The following JMJD7 variants were observed in gnomAD, a reference collection of about 807,000 sequenced individuals.
JMJD7 encodes jumonji domain containing 7, also known as bifunctional peptidase and (3S)-lysyl hydroxylase JMJD7.
JMJD7 carries 41 observed loss-of-function variants against 41.1 expected under a neutral mutation model. That is an observed-to-expected ratio of 1.00 (90% confidence interval 0.78 to 1.30). The LOEUF (loss-of-function observed/expected upper bound fraction) is 1.30. JMJD7 is among the 50% of genes most tolerant of loss of function. JMJD7 has a pLI of 0.00. For synonymous variants in JMJD7, 202 were observed against 177.2 expected (o/e 1.14, Z -1.11); for missense variants, 480 against 420.7 (o/e 1.14, Z -1.23).
chr15:41,829,505 G>A (rs1406981606), intron 1 of JMJD7, among the ~76,000 whole-genome samples: 3 of 152,190 alleles, frequency 2.0e-5, no homozygotes, highest in African/African-American at 7.2e-5. Flanking sequence ...TAGAGACAAG[G>A]CTGGTCTCAG....
In JMJD7 at chr15:41,828,330, C is replaced by A; in HGVS notation, c.64+142C>A. ...GTTGCTCTTCTGTGGCAACCTGCTT[C>A]CCTTCTCCCGTGTTCGCGCGCTCCC... On this transcript the variant is annotated intron_variant, in intron 1 of 7. Coordinates refer to ENST00000397299, the MANE Select transcript of JMJD7 (RefSeq NM_001114632.2). 6 of 1,028,762 alleles carry A rather than the reference C, an allele frequency of 5.8e-6. No homozygotes were observed. In the South Asian group the frequency reaches 8.9e-5, roughly 15 times the overall value. 63.7% of individuals were successfully genotyped at this position (1,028,762 alleles called of 1,614,324 possible). A position where few individuals can be genotyped will look rare whatever the true frequency, so the allele number is the denominator to read the frequency against.
intron 1 of JMJD7, among the ~76,000 whole-genome samples, chr15:41,831,213 C>T (rs549965767): frequency 6.6e-6 from 1 of 152,296 alleles, no homozygotes; most frequent in Admixed American, 6.5e-5. Flanking sequence ...GGAGGAGCTA[C>T]CCTCTCTGCT....
rs751542297 is a variant in JMJD7 at position 41,836,539 on chromosome 15, G to A, written c.690G>A (p.Glu230=). 2 of 1,586,680 alleles carry A rather than the reference G, an allele frequency of 1.3e-6. No individual in the cohort carries two copies. The highest frequency in any genetic ancestry group is 1.7e-6 in the Non-Finnish European group (2 of 1,166,098). The change falls in exon 6 of 8, where the codon GAG becomes GAA. Residue 230 remains glutamate, a synonymous_variant. Transcript: ENST00000397299. ...EEGTFKVVDE[E]AMEKVPWIPL... ...GCACCTTTAAGGTGGTGGATGAAGA[G>A]GCCATGGAGAAGGTGTCTGTCCTGT...
chr15:41,834,201 G>C (rs879294038), intron 1 of JMJD7, among the ~76,000 whole-genome samples: 9 of 152,326 alleles, frequency 5.9e-5, no homozygotes, highest in Non-Finnish European at 1.2e-4. Flanking sequence ...GGGTAAGAAG[G>C]TTGTAAATTT....
At chr15:41,835,682 G>A in intron 4 of JMJD7, 38 bp downstream of exon 4, 1 of 1,600,530 alleles carries the variant, frequency 6.2e-7, no homozygotes, top group Non-Finnish European at 8.5e-7. Flanking sequence ...GGAAGGAGCA[G>A]GTTGGGGCAG....
chr15:41,833,406 A>ATTTTT (rs1567164793), intron 1 of JMJD7, among the ~76,000 whole-genome samples: 2 of 40,838 alleles, frequency 4.9e-5, no homozygotes, highest in African/African-American at 7.3e-5. Context: ...ATATATATAT[A>ATTTTT]TATATATATT....
rs149800320 is a variant in JMJD7, at chr15:41,830,330, G to A, written c.64+2142G>A. Among the ~76,000 whole-genome samples, 330 of 152,336 alleles carry A rather than the reference G, an allele frequency of 2.2e-3. 1 individual carries two copies. Among genetic ancestry groups the A allele is most frequent in the African/African-American group, 7.7e-3 (318 of 41,568 alleles). Reference sequence around the variant, plus strand: ...GCAAACTGGCTTCTTCACTGTTTCCGGAACACAGGACTACTAGGCTCATTT... The same window carrying A: ...GCAAACTGGCTTCTTCACTGTTTCCAGAACACAGGACTACTAGGCTCATTT... On this transcript the variant is annotated intron_variant, in intron 1 of 7. Transcript: ENST00000397299.
In JMJD7 at chr15:41,836,957, GCCGCCTGGGGAGAGGCCCTGTCA is replaced by G; in HGVS notation, c.862+18_862+40del. 1 of 1,611,150 alleles carries G rather than the reference GCCGCCTGGGGAGAGGCCCTGTCA, an allele frequency of 6.2e-7. No homozygotes were observed. Among genetic ancestry groups the G allele is most frequent in the South Asian group, 1.1e-5 (1 of 91,030 alleles). ...GCATCGCAGGTGAAGAGTTGCCCAG[GCCGCCTGGGGAGAGGCCCTGTCA>G]AGGTCCAGCAGGGCCTCTGGGGGGA... On this transcript the variant is annotated intron_variant, in intron 7 of 7. Coordinates refer to ENST00000397299, the MANE Select transcript of JMJD7 (RefSeq NM_001114632.2).
chr15:41,835,662 A>G lies in JMJD7; in HGVS notation c.529+18A>G, dbSNP rs773292483. On this transcript the variant is annotated intron_variant, in intron 4 of 7. Transcript: ENST00000397299. ...GACTTCTTGTAGGTGTAAGGGGAAT[A>G]CAAAGGTGGGGAAGGAGCAGGTTGG... 1.2e-6 allele frequency: 2 copies of G among 1,611,030 alleles called. No individual in the cohort carries two copies. The highest frequency in any genetic ancestry group is 1.7e-6 in the Non-Finnish European group (2 of 1,178,408).
chr15:41,828,517 C>G (rs1567162709), intron 1 of JMJD7: 2 of 262,212 alleles, frequency 7.6e-6, no homozygotes, highest in East Asian at 6.6e-5. Flanking sequence ...ATTCCTCCCC[C>G]ACGCGCCCCA....
chr15:41,833,389 A>AATATATATATATATATATATAT (rs1567164757), intron 1 of JMJD7, among the ~76,000 whole-genome samples: 6 of 103,524 alleles, frequency 5.8e-5, no homozygotes, highest in African/African-American at 2.2e-4. Flanking sequence ...ATGTAGGTGA[A>AATATATATATATATATATATAT]ATACATATAT....
At position 41,834,802 on chromosome 15, in the gene JMJD7, C is replaced by A. The variant is rs772246091; in HGVS notation, c.127C>A (p.Arg43=). 2.7e-5 allele frequency: 43 copies of A among 1,614,102 alleles called. No homozygotes were observed. The African/African-American group carries it at 3.6e-4, about 14-fold the overall frequency. The change falls in exon 2 of 8, where the codon CGG becomes AGG. Residue 43 remains arginine (R), a synonymous_variant. Transcript: ENST00000397299. ...DKPPTPLHFY[R]DWVCPNRPCI... is the part of the protein sequence containing the mutation. ...ACCCCCAACTCCGCTCCACTTCTAC[C>A]GGGACTGGGTCTGCCCCAACAGGCC...
chr15:41,836,035 C>T (rs1002774872), intron 4 of JMJD7, 113 bp from the exon 5 acceptor site: 2 of 1,173,390 alleles, frequency 1.7e-6, no homozygotes, highest in African/African-American at 1.5e-5. Flanking sequence ...TCTGTGCGTG[C>T]TTCTCTTTTG....
Position 41,828,153 on chromosome 15 carries a change from G to A in JMJD7, c.29G>A (p.Arg10Gln), listed in dbSNP as rs778448233. The A allele has an allele frequency of 4.0e-6, 6 of 1,488,226 alleles. No individual in the cohort carries two copies. The East Asian group carries it at 1.1e-4, about 27-fold the overall frequency. The allele number at this position is 1,488,226 out of a possible 1,614,324, so 92.2% of individuals were successfully genotyped here. A position where few individuals can be genotyped will look rare whatever the true frequency, so the allele number is the denominator to read the frequency against. Residue 10 changes from arginine (R) to glutamine (Q), a missense_variant, in exon 1 of 8, where the codon CGG (arginine) becomes CAG (glutamine). By Grantham distance (43) the Arg-to-Gln change is conservative. Transcript: ENST00000397299. The part of the protein sequence containing the change: MAEAALEAV[R>Q]SELREFPAAA... ...GCGGAGGCGGCTTTGGAAGCCGTGCGGAGCGAGTTACGAGAATTCCCGGCC... is the reference window on the plus strand; with the variant it reads ...GCGGAGGCGGCTTTGGAAGCCGTGCAGAGCGAGTTACGAGAATTCCCGGCC...
Position 41,836,847 on chromosome 15 carries a change from C to G in JMJD7, c.769C>G (p.Gln257Glu). The change falls in exon 7 of 8, where the codon CAG becomes GAG. Residue 257 changes from glutamine to glutamate, a missense_variant. Coordinates refer to ENST00000397299, the MANE Select transcript of JMJD7 (RefSeq NM_001114632.2). The part of the protein sequence containing the change: ...LARYPSYSQA[Q>E]ALRCTVRAGE... ...ACGGTACCCTAGTTACAGTCAGGCC[C>G]AGGCCCTTCGCTGCACGGTGCGGGC... 6.2e-7 allele frequency: 1 copy of G among 1,613,204 alleles called. No homozygotes were observed. The highest frequency in any genetic ancestry group is 1.1e-5 in the South Asian group (1 of 91,008).
At position 41,834,894 on chromosome 15, in the gene JMJD7, G is replaced by T; in HGVS notation, c.218+1G>T. ...AGAAGTGGTCCCTCCCCTATTTCAG[G>T]TGGGAGCTGCCCTGGGGTCAGGTGT... On this transcript the variant is annotated splice_donor_variant, in intron 2 of 7. Coordinates refer to ENST00000397299, the MANE Select transcript of JMJD7 (RefSeq NM_001114632.2). LOFTEE classifies it high-confidence loss of function. 6.2e-7 allele frequency: 1 copy of T among 1,613,898 alleles called. No individual in the cohort carries two copies. Among genetic ancestry groups the T allele is most frequent in the Middle Eastern group, 1.7e-4 (1 of 6,060 alleles).
At chr15:41,833,947 A>C (rs959934706) in intron 1 of JMJD7, among the ~76,000 whole-genome samples, 1 of 152,194 alleles carries the variant, frequency 6.6e-6, no homozygotes, top group Non-Finnish European at 1.5e-5. Flanking sequence ...AGACAGAATC[A>C]ACAGGACTCA....
Position 41,837,548 on chromosome 15 carries a change from C to T in JMJD7, c.*392C>T. On this transcript the variant is annotated 3_prime_UTR_variant, in exon 8 of 8. Coordinates refer to ENST00000397299, the MANE Select transcript of JMJD7 (RefSeq NM_001114632.2). ...TCTATGAGGACCAGCATGGAGCTGG[C>T]ACACAGGACATGTTGAATAAAAGGT... 4.7e-6 allele frequency: 1 copy of T among 213,380 alleles called. No homozygotes were observed. The highest frequency in any genetic ancestry group is 9.2e-6 in the Non-Finnish European group (1 of 108,782). The allele number at this position is 213,380 out of a possible 1,614,324, so 13.2% of individuals were successfully genotyped here.
Position 41,836,229 on chromosome 15 carries a change from C to T in JMJD7, c.611C>T (p.Pro204Leu). ...CTGTTCCATCCGCCCAGCGACCGGC[C>T]CTTCATCCCCTATGGTAGGGGATGT... ...HFLFHPPSDR[P>L]FIPYELYTPA... The change falls in exon 5 of 8, where the codon CCC (proline) becomes CTC (leucine). Residue 204 changes from proline (P) to leucine (L), a missense_variant. By Grantham distance (98) the Pro-to-Leu change is moderately conservative (BLOSUM62 -3). Transcript: ENST00000397299. The T allele has an allele frequency of 6.2e-7, 1 of 1,612,894 alleles. No homozygotes were observed. The highest frequency in any genetic ancestry group is 8.5e-7 in the Non-Finnish European group (1 of 1,179,474).
Sources: gnomAD v4.1 joint callset for allele counts (sites outside exome capture counted in the v4.1 genomes callset) on GRCh38, gnomAD v4.1.1 for gene constraint, MANE v1.5 for transcripts, NCBI Gene and HGNC (gene_info 2026-07-23, HGNC 2026-07-21) for gene names.